The following MET variants were observed in gnomAD, a reference collection of about 807,000 sequenced individuals.
MET encodes hepatocyte growth factor receptor.
MET carries 48 observed loss-of-function variants against 133.1 expected under a neutral mutation model. The ratio of observed to expected loss-of-function variants is 0.36; its 90% CI spans 0.29 to 0.46. The LOEUF (loss-of-function observed/expected upper bound fraction) is 0.46. Among genes scored for constraint, MET ranks in the 20% least tolerant of loss-of-function variants. The pLI, the probability that MET is intolerant of heterozygous loss-of-function variation, is 1.00. For missense variants in MET, 1,442 were observed against 1,695.9 expected (o/e 0.85, Z 2.63); for synonymous variants, 628 against 616.5 (o/e 1.02, Z -0.28).
At position 116,699,534 on chromosome 7, in the gene MET, T is replaced by C. The variant is rs2116589122; in HGVS notation, c.450T>C (p.His150=). 6.2e-7 allele frequency: 1 copy of C among 1,614,038 alleles called. No individual in the cohort carries two copies. Among genetic ancestry groups the C allele is most frequent in the Non-Finnish European group, 8.5e-7 (1 of 1,179,942 alleles). ...TCQRHVFPHN[H]TADIQSEVHC... is the part of the protein sequence containing the mutation. ...AGCGACATGTCTTTCCCCACAATCA[T>C]ACTGCTGACATACAGTCGGAGGTTC... Residue 150 remains histidine (H), a synonymous_variant, in exon 2 of 21, where the codon CAT becomes CAC. Coordinates refer to ENST00000397752, the MANE Select transcript of MET (RefSeq NM_000245.4).
chr7:116,732,198 G>A (rs1488275528), intron 3 of MET, among the ~76,000 whole-genome samples: 1 of 152,060 alleles, frequency 6.6e-6, no homozygotes, highest in Non-Finnish European at 1.5e-5. Flanking sequence ...TATTTCAAGG[G>A]AAGCTACAGA....
intron 18 of MET, among the ~76,000 whole-genome samples, chr7:116,782,824 C>A (rs1795194407): frequency 6.6e-6 from 1 of 152,156 alleles, no homozygotes; most frequent in East Asian, 1.9e-4. Flanking sequence ...TTCTCTATTA[C>A]CTCAGTGGTG....
At chr7:116,762,386 C>T (rs1339122014) in intron 10 of MET, among the ~76,000 whole-genome samples, 2 of 152,076 alleles carry the variant, frequency 1.3e-5, no homozygotes, top group African/African-American at 4.8e-5. Context: ...AATCATAATA[C>T]CCACCTATAG....
At chr7:116,740,711 G>A (rs1793410267) in intron 4 of MET, 141 bp from the exon 5 acceptor site, 1 of 1,008,004 alleles carries the variant, frequency 9.9e-7, no homozygotes, top group Admixed American at 2.0e-5. Context: ...TCACCGTTAT[G>A]ACAGGATTTG....
intron 5 of MET, among the ~76,000 whole-genome samples, chr7:116,753,746 T>C (rs1794019877): frequency 1.3e-5 from 2 of 152,204 alleles, no homozygotes; most frequent in Admixed American, 6.5e-5. Flanking sequence ...GTATTAAATA[T>C]TACATAATTT....
intron 2 of MET, among the ~76,000 whole-genome samples, chr7:116,708,452 T>C (rs1290891402): frequency 6.6e-6 from 1 of 152,218 alleles, no homozygotes; most frequent in Admixed American, 6.5e-5. Flanking sequence ...GTGCATACTA[T>C]CTTACACTTA....
At chr7:116,775,444 G>T (rs148544593) in intron 15 of MET, among the ~76,000 whole-genome samples, 3 of 152,078 alleles carry the variant, frequency 2.0e-5, no homozygotes, top group African/African-American at 7.2e-5. Context: ...TGGCTCACAC[G>T]TGTAATCCCA....
At chr7:116,778,634 A>G (rs1795060776) in intron 16 of MET, 142 bp from the exon 17 acceptor site, 2 of 905,656 alleles carry the variant, frequency 2.2e-6, no homozygotes, top group Non-Finnish European at 1.7e-6. Flanking sequence ...GATGTGATGT[A>G]AAAAGAACAC....
At chr7:116,747,591 A>G (rs1044405350) in intron 5 of MET, among the ~76,000 whole-genome samples, 2 of 152,212 alleles carry the variant, frequency 1.3e-5, no homozygotes, top group African/African-American at 4.8e-5. Context: ...CTAAATATAT[A>G]TGCTCCCAAT....
rs1294910019 is a variant in MET at position 116,774,949 on chromosome 7, C to T, written c.3097C>T (p.Pro1033Ser). Residue 1033 changes from proline (P) to serine (S), a missense_variant, in exon 15 of 21, where the codon CCC becomes TCC. Physicochemically the swap from Pro to Ser is moderately conservative, Grantham distance 74. This residue lies in a region of MET where 514 missense variants were observed against 659.6 expected (regional missense o/e 0.78). Coordinates refer to ENST00000397752, the MANE Select transcript of MET (RefSeq NM_000245.4). ...QVQYPLTDMS[P>S]ILTSGDSDIS... ...GCAGTATCCTCTGACAGACATGTCC[C>T]CCATCCTAACTAGTGGGGACTCTGA... is the stretch of plus-strand genomic sequence containing the variant. The T allele has an allele frequency of 6.2e-7, 1 of 1,614,014 alleles. No homozygotes were observed. Among genetic ancestry groups the T allele is most frequent in the African/African-American group, 1.3e-5 (1 of 74,898 alleles).
In MET at chr7:116,795,714, C is replaced by G. The variant is rs41736; in HGVS notation, c.3858C>G (p.Asp1286Glu). Residue 1286 changes from aspartate to glutamate, a missense_variant, in exon 20 of 21, where the codon GAC (aspartate) becomes GAG (glutamate). Asp to Glu is a conservative substitution (Grantham distance 45). Coordinates refer to ENST00000397752, the MANE Select transcript of MET (RefSeq NM_000245.4). ...LMTRGAPPYPDVNTFDITVYL... is the reference protein window; with the variant it reads ...LMTRGAPPYPEVNTFDITVYL... ...CAAGAGGAGCCCCACCTTATCCTGA[C>G]GTAAACACCTTTGATATAACTGTTT... The G allele has an allele frequency of 6.2e-7, 1 of 1,613,838 alleles. No individual in the cohort carries two copies. The highest frequency in any genetic ancestry group is 8.5e-7 in the Non-Finnish European group (1 of 1,179,940).
At chr7:116,708,469 C>T (rs566416598) in intron 2 of MET, among the ~76,000 whole-genome samples, 38 of 152,236 alleles carry the variant, frequency 2.5e-4, no homozygotes, top group African/African-American at 6.7e-4. Flanking sequence ...CTTAGAAAAA[C>T]ATTGCAAGAA....
intron 3 of MET, 80 bp from the exon 4 acceptor site, chr7:116,739,870 A>G (rs145680574): frequency 1.3e-6 from 2 of 1,593,828 alleles, no homozygotes; most frequent in Non-Finnish European, 1.7e-6. Flanking sequence ...ATCTGTTATT[A>G]CCATTATCAT....
chr7:116,674,441 T>A (rs1241686709), intron 1 of MET, among the ~76,000 whole-genome samples: 1 of 152,236 alleles, frequency 6.6e-6, no homozygotes, highest in Non-Finnish European at 1.5e-5. Context: ...AAAATTGTCT[T>A]AATGAGGGCT....
intron 1 of MET, among the ~76,000 whole-genome samples, chr7:116,682,161 A>C (rs1796384849): frequency 6.6e-6 from 1 of 152,340 alleles, no homozygotes; most frequent in Admixed American, 6.5e-5. Flanking sequence ...TCTTTAAATC[A>C]CCAGAAAAGT....
chr7:116,769,518 A>G (rs1445453647), intron 11 of MET, 127 bp from the exon 12 acceptor site: 2 of 1,167,608 alleles, frequency 1.7e-6, no homozygotes, highest in Non-Finnish European at 2.5e-6. Flanking sequence ...AATTAGTATC[A>G]TAGAATCGTG....
chr7:116,679,666 G>A (rs1217816070), intron 1 of MET, among the ~76,000 whole-genome samples: 1 of 152,176 alleles, frequency 6.6e-6, no homozygotes, highest in Admixed American at 6.5e-5. Flanking sequence ...TAGGAGAGGG[G>A]AGAGAGGAAT....
At chr7:116,791,807 G>C (rs1795506344) in intron 19 of MET, among the ~76,000 whole-genome samples, 1 of 152,128 alleles carries the variant, frequency 6.6e-6, no homozygotes, top group African/African-American at 2.4e-5. Flanking sequence ...TGGGATTGCA[G>C]GCATGAGCCA....
At chr7:116,744,880 GCC>G (rs1179555616) in intron 5 of MET, among the ~76,000 whole-genome samples, 1 of 152,132 alleles carries the variant, frequency 6.6e-6, no homozygotes, top group Non-Finnish European at 1.5e-5. Context: ...AGACAGGGAT[GCC>G]CTCTCTCACC....
Sources: allele counts gnomAD v4.1 joint callset (sites outside exome capture counted in the v4.1 genomes callset), GRCh38; gene constraint gnomAD v4.1.1; regional missense constraint gnomAD v4.1.1; transcripts MANE v1.5; gene names NCBI Gene and HGNC (gene_info 2026-07-23, HGNC 2026-07-21).